The following EPHB1 variants were observed in gnomAD, a reference collection of about 807,000 sequenced individuals.
EPHB1 encodes the protein ephrin type-B receptor 1.
Under a neutral mutation model 94.4 loss-of-function variants are expected in EPHB1, and 30 were observed. The observed-to-expected ratio is 0.32, with a 90% CI of 0.24 to 0.43. EPHB1 has a LOEUF of 0.43. Ranked by LOEUF, EPHB1 falls within the 20% of genes least tolerant of loss-of-function variation. EPHB1 has a pLI of 1.00. For synonymous variants in EPHB1, 522 were observed against 489.1 expected (o/e 1.07, Z -0.89); for missense variants, 1,055 against 1,308.3 (o/e 0.81, Z 2.99).
chr3:134,950,174 G>C (rs961960809), intron 2 of EPHB1, among the ~76,000 whole-genome samples: 24 of 152,212 alleles, frequency 1.6e-4, no homozygotes, highest in Admixed American at 4.6e-4. Flanking sequence ...CTTAATACAT[G>C]TGTTGTTCTT....
chr3:135,250,851 G>A (rs527970490), intron 15 of EPHB1, among the ~76,000 whole-genome samples: 3 of 152,190 alleles, frequency 2.0e-5, no homozygotes, highest in South Asian at 2.1e-4. Context: ...CTGCGAACAC[G>A]TATTGATCAC....
intron 3 of EPHB1, among the ~76,000 whole-genome samples, chr3:134,988,103 T>G (rs1429713584): frequency 6.6e-6 from 1 of 152,212 alleles, no homozygotes; most frequent in African/African-American, 2.4e-5. Context: ...TAATTCTCAG[T>G]TGGCATCCAT....
In EPHB1 at chr3:134,805,521, C is replaced by T. The variant is rs190841577; in HGVS notation, c.58+9832C>T. Reference sequence around the variant, plus strand: ...CAATCATTGCAAGACCCTACATCACCTGGGTCCACCTTGCCTCCTGCCCTC... The same window carrying T: ...CAATCATTGCAAGACCCTACATCACTTGGGTCCACCTTGCCTCCTGCCCTC... On this transcript the variant is annotated intron_variant, in intron 1 of 15. Coordinates refer to ENST00000398015, the MANE Select transcript of EPHB1 (RefSeq NM_004441.5). Among the ~76,000 whole-genome samples, 190 of 152,262 alleles carry T rather than the reference C, an allele frequency of 1.2e-3. 1 individual carries two copies. Among genetic ancestry groups the T allele is most frequent in the African/African-American group, 4.3e-3 (179 of 41,558 alleles).
chr3:134,906,909 A>C (rs2038344317), intron 1 of EPHB1, among the ~76,000 whole-genome samples: 1 of 152,242 alleles, frequency 6.6e-6, no homozygotes, highest in Non-Finnish European at 1.5e-5. Flanking sequence ...GTGTAATGAG[A>C]TCTCAAACAG....
At position 134,826,367 on chromosome 3, in the gene EPHB1, T is replaced by C. The variant is rs534763459; in HGVS notation, c.58+30678T>C. Among the ~76,000 whole-genome samples the C allele has an allele frequency of 1.6e-4, 25 of 152,258 alleles. No homozygotes were observed. The South Asian group carries it at 4.6e-3, about 28-fold the overall frequency. ...GATATCTAGCCTACACCAGTCCAGA[T>C]GCATTGCTGTCTTTTCTGGTTTCTC... On this transcript the variant is annotated intron_variant, in intron 1 of 15. Transcript: ENST00000398015.
chr3:134,987,444 G>T (rs1576296871), intron 3 of EPHB1, among the ~76,000 whole-genome samples: 1 of 152,230 alleles, frequency 6.6e-6, no homozygotes, highest in Non-Finnish European at 1.5e-5. Flanking sequence ...CCAGAGTGCT[G>T]TTTCTGTACA....
chr3:135,210,396 GA>G (rs1284642972), intron 12 of EPHB1, among the ~76,000 whole-genome samples: 4 of 152,182 alleles, frequency 2.6e-5, no homozygotes, highest in African/African-American at 9.7e-5. Flanking sequence ...AAGTCCAAAT[GA>G]AGATGCACAT....
chr3:135,132,177 C>T (rs1478264458), intron 4 of EPHB1, among the ~76,000 whole-genome samples: 1 of 152,146 alleles, frequency 6.6e-6, no homozygotes, highest in South Asian at 2.1e-4. Flanking sequence ...TACATCTATT[C>T]AGGTGCTCTG....
In EPHB1 at chr3:134,890,885, A is replaced by G. The variant is rs563923785; in HGVS notation, c.59-34931A>G. Among the ~76,000 whole-genome samples, 9 of 152,256 alleles carry G rather than the reference A, an allele frequency of 5.9e-5. 1 individual carries two copies. The highest frequency in any genetic ancestry group is 2.0e-4 in the Admixed American group (3 of 15,290). ...TATCTTGTTTGTAATGATAAAAACC[A>G]TTGCTTTCTATATATGACTTTAATA... On this transcript the variant is annotated intron_variant, in intron 1 of 15. Coordinates refer to ENST00000398015, the MANE Select transcript of EPHB1 (RefSeq NM_004441.5).
At chr3:134,887,172 C>G (rs752654484) in intron 1 of EPHB1, among the ~76,000 whole-genome samples, 65 of 152,102 alleles carry the variant, frequency 4.3e-4, no homozygotes, top group Non-Finnish European at 1.6e-4. Flanking sequence ...GTTGGGAGCT[C>G]CAAACTGGTC....
intron 4 of EPHB1, among the ~76,000 whole-genome samples, chr3:135,111,000 G>T (rs1456373117): frequency 1.3e-5 from 2 of 152,176 alleles, no homozygotes; most frequent in African/African-American, 4.8e-5. Flanking sequence ...GAGTGCATAG[G>T]GTTTAGAGGG....
At chr3:134,856,310 C>A (rs1241464245) in intron 1 of EPHB1, among the ~76,000 whole-genome samples, 2 of 152,044 alleles carry the variant, frequency 1.3e-5, no homozygotes, top group Non-Finnish European at 2.9e-5. Context: ...ACCCCATGGC[C>A]CAATGAACTA....
At chr3:135,122,270 C>A (rs1939997958) in intron 4 of EPHB1, among the ~76,000 whole-genome samples, 1 of 152,208 alleles carries the variant, frequency 6.6e-6, no homozygotes, top group African/African-American at 2.4e-5. Context: ...TAAGGTCACA[C>A]TTTGGCAAGG....
At chr3:135,068,365 C>T (rs1937611547) in intron 3 of EPHB1, among the ~76,000 whole-genome samples, 1 of 152,162 alleles carries the variant, frequency 6.6e-6, no homozygotes, top group Non-Finnish European at 1.5e-5. Flanking sequence ...TTATAGCCTT[C>T]CCTGTAGGTA....
chr3:135,013,744 A>C (rs370275582), intron 3 of EPHB1, among the ~76,000 whole-genome samples: 45 of 152,244 alleles, frequency 3.0e-4, no homozygotes, highest in Non-Finnish European at 5.0e-4. Context: ...ACCAGAGGCT[A>C]AAGTTACAAC....
At chr3:135,138,880 AGGCCCTGGC>A (rs1559847525) in intron 5 of EPHB1, among the ~76,000 whole-genome samples, 1 of 152,248 alleles carries the variant, frequency 6.6e-6, no homozygotes, top group East Asian at 1.9e-4. Flanking sequence ...GGCCTCAGAA[AGGCCCTGGC>A]CATTTGCAAA....
intron 11 of EPHB1, among the ~76,000 whole-genome samples, chr3:135,195,644 T>A (rs1289841941): frequency 4.2e-5 from 6 of 142,260 alleles, no homozygotes; most frequent in African/African-American, 1.7e-4. Flanking sequence ...TTCATCCATG[T>A]CCCTACAAAG....
In EPHB1 at chr3:134,795,440, C is replaced by A; in HGVS notation, c.-192C>A. 1 of 575,788 alleles carries A rather than the reference C, an allele frequency of 1.7e-6. No individual in the cohort carries two copies. Among genetic ancestry groups the A allele is most frequent in the Non-Finnish European group, 3.0e-6 (1 of 333,048 alleles). 35.7% of individuals were successfully genotyped at this position (575,788 alleles called of 1,614,324 possible). A position where few individuals can be genotyped will look rare whatever the true frequency, so the allele number is the denominator to read the frequency against. On this transcript the variant is annotated 5_prime_UTR_variant, in exon 1 of 16. Coordinates refer to ENST00000398015, the MANE Select transcript of EPHB1 (RefSeq NM_004441.5). ...ACACACATGCACACCCACACCCACG[C>A]GCGCCCGCACCGCCCCACGCGCACA...
At position 134,950,892 on chromosome 3, in the gene EPHB1, T is replaced by A. The variant is rs145789841; in HGVS notation, c.124-479T>A. Among the ~76,000 whole-genome samples the A allele has an allele frequency of 1.4e-4, 21 of 152,374 alleles. 1 individual carries two copies. Among genetic ancestry groups the A allele is most frequent in the Admixed American group, 5.9e-4 (9 of 15,312 alleles). The stretch of plus-strand genomic sequence containing the variant: ...AACCCTGAAAAGCTTTAAATTCATG[T>A]GCTTTTCAGAGACATAAAGGAATTT... On this transcript the variant is annotated intron_variant, in intron 2 of 15. Coordinates refer to ENST00000398015, the MANE Select transcript of EPHB1 (RefSeq NM_004441.5).
Sources: allele counts gnomAD v4.1 joint callset (sites outside exome capture counted in the v4.1 genomes callset), GRCh38; gene constraint gnomAD v4.1.1; transcripts MANE v1.5; gene names NCBI Gene and HGNC (gene_info 2026-07-23, HGNC 2026-07-21).